DOCK7: variants seen among roughly 807,000 people sequenced by gnomAD.
DOCK7 encodes dedicator of cytokinesis protein 7.
DOCK7 carries 138 observed loss-of-function variants against 271.0 expected under a neutral mutation model. The observed-to-expected ratio is 0.51, with a 90% confidence interval of 0.44 to 0.59. The LOEUF (loss-of-function observed/expected upper bound fraction) is 0.59. DOCK7 is among the 20% of genes least tolerant of loss of function. DOCK7 has a pLI of 0.00. For missense variants in DOCK7, 2,066 were observed against 2,592.4 expected (o/e 0.80, Z 4.41); for synonymous variants, 823 against 876.1 (o/e 0.94, Z 1.07).
chr1:62,615,992 C>T (rs1652389080), intron 14 of DOCK7, among the ~76,000 whole-genome samples: 1 of 151,702 alleles, frequency 6.6e-6, no homozygotes, highest in Admixed American at 6.6e-5. Context: ...GAAAGCATTC[C>T]ACCCTAAAAA....
chr1:62,665,714 CAAAAAAAAAAA>C (rs59439795), intron 1 of DOCK7, among the ~76,000 whole-genome samples: 11 of 43,098 alleles, frequency 2.6e-4, no homozygotes, highest in African/African-American at 9.8e-4. Flanking sequence ...GACTCCATCT[CAAAAAAAAAAA>C]AAAAAAAAAA....
At chr1:62,537,237 A>G (rs1645373697) in intron 28 of DOCK7, among the ~76,000 whole-genome samples, 1 of 152,186 alleles carries the variant, frequency 6.6e-6, no homozygotes, top group Non-Finnish European at 1.5e-5. Flanking sequence ...ATTTAGGTGA[A>G]TTCATTCACA....
Position 62,552,811 on chromosome 1 carries a change from C to A in DOCK7, c.2687G>T (p.Ser896Ile). Residue 896 changes from serine to isoleucine, a missense_variant, in exon 22 of 50, where the codon AGC (serine) becomes ATC (isoleucine). Ser to Ile is a moderately radical substitution (Grantham distance 142, BLOSUM62 -2). This residue lies in a region of DOCK7 where 1,414 missense variants were observed against 1,670.4 expected (regional missense o/e 0.85). Transcript: ENST00000635253. ...TATATCTGGATTGCTATTACTAAGG[C>A]TTCGAGAACGATTTAAATTAAGGCT... Reference protein sequence around the residue: ...PASLNLNRSRSLSNSNPDISG... With the variant: ...PASLNLNRSRILSNSNPDISG... The A allele has an allele frequency of 1.2e-6, 2 of 1,613,990 alleles. No homozygotes were observed. The highest frequency in any genetic ancestry group is 1.7e-6 in the Non-Finnish European group (2 of 1,179,974).
chr1:62,608,519 G>GAATT (rs1381991996), intron 14 of DOCK7: 1 of 152,088 alleles, frequency 6.6e-6, no homozygotes, highest in Non-Finnish European at 1.5e-5. Flanking sequence ...AAACCACACA[G>GAATT]AATTACTGTC....
intron 48 of DOCK7, among the ~76,000 whole-genome samples, chr1:62,465,611 G>A (rs1645654382): frequency 6.6e-6 from 1 of 152,146 alleles, no homozygotes. Context: ...CAGTGCAGTG[G>A]CACAATCTCA....
chr1:62,508,364 G>A (rs1302974697), intron 34 of DOCK7, among the ~76,000 whole-genome samples: 1 of 152,146 alleles, frequency 6.6e-6, no homozygotes, highest in Non-Finnish European at 1.5e-5. Flanking sequence ...ACACTAGGTG[G>A]TGCTATGTGG....
intron 1 of DOCK7, among the ~76,000 whole-genome samples, chr1:62,673,728 A>G (rs924522627): frequency 6.6e-6 from 1 of 152,112 alleles, no homozygotes; most frequent in Non-Finnish European, 1.5e-5. Flanking sequence ...GTTTATTCTA[A>G]CTCTTAAATA....
chr1:62,512,897 C>A (rs912167527), intron 33 of DOCK7, among the ~76,000 whole-genome samples: 2 of 150,552 alleles, frequency 1.3e-5, no homozygotes, highest in South Asian at 2.1e-4. Flanking sequence ...GGTGACAGAG[C>A]GAGAATCTGT....
At chr1:62,677,053 A>C (rs1393039611) in intron 1 of DOCK7, among the ~76,000 whole-genome samples, 7 of 152,370 alleles carry the variant, frequency 4.6e-5, no homozygotes, top group Non-Finnish European at 1.0e-4. Flanking sequence ...TATTTAAGTA[A>C]TTATAGTCAT....
intron 29 of DOCK7, among the ~76,000 whole-genome samples, chr1:62,534,487 C>T (rs1295491472): frequency 2.0e-5 from 3 of 151,938 alleles, no homozygotes; most frequent in African/African-American, 7.2e-5. Flanking sequence ...TGGTGGCACG[C>T]GCCTGTAGTC....
At chr1:62,552,659 T>C in intron 22 of DOCK7, 73 bp downstream of exon 22, 1 of 1,433,070 alleles carries the variant, frequency 7.0e-7, no homozygotes, top group Non-Finnish European at 9.4e-7. Context: ...TCAGAATACA[T>C]TACAACAACT....
chr1:62,618,612 C>T, intron 14 of DOCK7, 94 bp downstream of exon 14: 4 of 1,169,422 alleles, frequency 3.4e-6, no homozygotes, highest in Non-Finnish European at 4.9e-6. Flanking sequence ...AACAAAACTA[C>T]TTAAGATTTT....
intron 4 of DOCK7, among the ~76,000 whole-genome samples, chr1:62,653,121 T>C (rs184762344): frequency 1.8e-4 from 28 of 152,362 alleles, no homozygotes; most frequent in African/African-American, 5.8e-4. Context: ...AGATTCAGTA[T>C]GAAGACCCTT....
chr1:62,512,243 T>C (rs1475486455), intron 33 of DOCK7, among the ~76,000 whole-genome samples: 1 of 152,164 alleles, frequency 6.6e-6, no homozygotes. Context: ...ATAAATATTG[T>C]GCTGTTGGCA....
chr1:62,506,981 T>A (rs539942991), intron 35 of DOCK7, among the ~76,000 whole-genome samples: 10 of 150,728 alleles, frequency 6.6e-5, no homozygotes, highest in South Asian at 2.1e-4. Flanking sequence ...AATAAATAAA[T>A]AAAATAGAGT....
At chr1:62,604,488 C>T in intron 14 of DOCK7, 1 of 961,500 alleles carries the variant, frequency 1.0e-6, no homozygotes, top group Non-Finnish European at 1.6e-6. Flanking sequence ...AAAATTGGGA[C>T]TTATACAGAT....
chr1:62,506,210 T>A (rs866772212), intron 35 of DOCK7, among the ~76,000 whole-genome samples: 2 of 152,262 alleles, frequency 1.3e-5, no homozygotes, highest in African/African-American at 4.8e-5. Context: ...ACCATTCTTT[T>A]CTTCTTTAAT....
In DOCK7 at chr1:62,561,637, C is replaced by A; in HGVS notation, c.2179G>T (p.Val727Phe). ...CTCACTTGTGTATGGATAGACGAAA[C>A]AGCAACAACTTCAACATTAAAAACA... ...KGVFNVEVVA[V>F]SSIHTQDPYL... The change falls in exon 19 of 50, where the codon GTT becomes TTT. Residue 727 changes from valine to phenylalanine, a missense_variant. By Grantham distance (50) the Val-to-Phe change is conservative. Transcript: ENST00000635253. 6.4e-7 allele frequency: 1 copy of A among 1,568,378 alleles called. No individual in the cohort carries two copies. The highest frequency in any genetic ancestry group is 2.3e-5 in the East Asian group (1 of 42,646).
At chr1:62,665,765 C>T (rs1659243500) in intron 1 of DOCK7, among the ~76,000 whole-genome samples, 1 of 150,756 alleles carries the variant, frequency 6.6e-6, no homozygotes, top group Non-Finnish European at 1.5e-5. Context: ...TTTCTACCTC[C>T]CTCATTGCTA....
Sources: gnomAD v4.1 joint callset for allele counts (sites outside exome capture counted in the v4.1 genomes callset) on GRCh38, gnomAD v4.1.1 for gene constraint, gnomAD v4.1.1 regional missense constraint, MANE v1.5 for transcripts, NCBI Gene and HGNC (gene_info 2026-07-23, HGNC 2026-07-21) for gene names.